SRGAP2C: variants seen among roughly 807,000 people sequenced by gnomAD.
SRGAP2C encodes the protein SLIT-ROBO Rho GTPase-activating protein 2C.
In SRGAP2C, 15 loss-of-function variants were observed where a neutral mutation model predicts 25.1. That is an observed-to-expected ratio of 0.60 (90% CI 0.40 to 0.92). SRGAP2C has a LOEUF of 0.92. Among genes scored for constraint, SRGAP2C ranks in the 40% least tolerant of loss-of-function variants. The probability of loss-of-function intolerance (pLI) is 0.00; values close to 1 mark genes in which losing one functional copy is unlikely to be tolerated. For synonymous variants in SRGAP2C, 44 were observed against 96.6 expected (o/e 0.46, Z 3.19); for missense variants, 144 against 264.4 (o/e 0.54, Z 3.16).
chr1:121,216,117 C>T (rs1481482785), intron 2 of SRGAP2C, among the ~76,000 whole-genome samples: 50 of 152,200 alleles, frequency 3.3e-4, no homozygotes, highest in Admixed American at 2.9e-3. Flanking sequence ...CCTGAATCCC[C>T]ATGTCACAGT....
intron 3 of SRGAP2C, among the ~76,000 whole-genome samples, chr1:121,323,615 CAAAAA>C (rs1163708332): frequency 3.6e-5 from 1 of 28,152 alleles, no homozygotes; most frequent in African/African-American, 1.7e-4. Context: ...GACTTTGTCT[CAAAAA>C]AAAAAAAAAA....
intron 7 of SRGAP2C, among the ~76,000 whole-genome samples, chr1:121,377,072 C>A (rs1659677542): frequency 6.7e-6 from 1 of 149,374 alleles, no homozygotes; most frequent in African/African-American, 2.5e-5. Context: ...TAAAATCAGT[C>A]CAAGAAGCGA....
intron 3 of SRGAP2C, among the ~76,000 whole-genome samples, chr1:121,306,633 T>TTCCC (rs1189739247): frequency 3.6e-4 from 53 of 149,212 alleles, no homozygotes; most frequent in African/African-American, 7.4e-4. Context: ...GTTTCCCCGC[T>TTCCC]TCCCTCCCTC....
At chr1:121,367,959 C>A (rs1244494607) in intron 5 of SRGAP2C, among the ~76,000 whole-genome samples, 2 of 104,962 alleles carry the variant, frequency 1.9e-5, no homozygotes, top group Non-Finnish European at 3.8e-5. Context: ...GCCTGTCGTC[C>A]CAGCTACTGG....
intron 3 of SRGAP2C, among the ~76,000 whole-genome samples, chr1:121,312,577 C>T (rs1218819519): frequency 5.3e-5 from 6 of 113,664 alleles, no homozygotes; most frequent in Non-Finnish European, 1.1e-4. Context: ...TATAAATTTC[C>T]CTCTACACAC....
intron 5 of SRGAP2C, among the ~76,000 whole-genome samples, chr1:121,370,949 C>T (rs1357349901): frequency 1.3e-5 from 2 of 151,358 alleles, no homozygotes; most frequent in Middle Eastern, 3.2e-3. Flanking sequence ...TCAATTTATA[C>T]CTAAATGATA....
At chr1:121,339,364 G>T (rs1271427229) in intron 4 of SRGAP2C, among the ~76,000 whole-genome samples, 1 of 150,838 alleles carries the variant, frequency 6.6e-6, no homozygotes, top group Non-Finnish European at 1.5e-5. Flanking sequence ...TGATTCTCGT[G>T]CCTCAGCCTC....
At position 121,185,046 on chromosome 1, in the gene SRGAP2C, G is replaced by T; in HGVS notation, c.-621G>T. The T allele has an allele frequency of 2.0e-6, 1 of 512,216 alleles. No individual in the cohort carries two copies. Among genetic ancestry groups the T allele is most frequent in the Middle Eastern group, 5.0e-4 (1 of 2,006 alleles). 31.7% of individuals were successfully genotyped at this position (512,216 alleles called of 1,614,324 possible). On this transcript the variant is annotated 5_prime_UTR_variant, in exon 1 of 10. Coordinates refer to ENST00000367123, the MANE Select transcript of SRGAP2C (RefSeq NM_001329984.2). Reference sequence around the variant, plus strand: ...TGGGGCACCGATCTGCGTAGAAACGGGTGGCGGGGAAGAGAGGGGAGGAGA... The same window carrying T: ...TGGGGCACCGATCTGCGTAGAAACGTGTGGCGGGGAAGAGAGGGGAGGAGA...
At chr1:121,287,951 C>T (rs1427957223) in intron 3 of SRGAP2C, among the ~76,000 whole-genome samples, 3 of 151,310 alleles carry the variant, frequency 2.0e-5, no homozygotes, top group South Asian at 2.1e-4. Context: ...AGTGTTACAG[C>T]TCATAAAAGC....
At chr1:121,370,590 C>T (rs1260119234) in intron 5 of SRGAP2C, among the ~76,000 whole-genome samples, 3 of 150,122 alleles carry the variant, frequency 2.0e-5, no homozygotes, top group African/African-American at 7.3e-5. Flanking sequence ...TACAGGCACC[C>T]GCCACCACGC....
intron 2 of SRGAP2C, among the ~76,000 whole-genome samples, chr1:121,217,891 C>CT (rs1416943234): frequency 1.3e-5 from 2 of 151,274 alleles, no homozygotes; most frequent in Non-Finnish European, 2.9e-5. Context: ...TTCTCAACAC[C>CT]TGCGACATTT....
At chr1:121,335,997 A>C (rs1658507320) in intron 4 of SRGAP2C, among the ~76,000 whole-genome samples, 1 of 151,008 alleles carries the variant, frequency 6.6e-6, no homozygotes, top group South Asian at 2.1e-4. Flanking sequence ...TTTATACTTC[A>C]TTACAGTGGG....
chr1:121,383,050 G>C (rs1659864721), intron 8 of SRGAP2C, 125 bp downstream of exon 8: 2 of 576,720 alleles, frequency 3.5e-6, no homozygotes, highest in Admixed American at 6.3e-5. Flanking sequence ...TCAGGTGGGT[G>C]AGGCACATTC....
At chr1:121,303,272 TG>T (rs1296790634) in intron 3 of SRGAP2C, among the ~76,000 whole-genome samples, 12 of 124,446 alleles carry the variant, frequency 9.6e-5, no homozygotes, top group Admixed American at 8.7e-4. Context: ...CCCCACTTTT[TG>T]GTCTGGTTGT....
chr1:121,201,480 T>G, intron 2 of SRGAP2C, among the ~76,000 whole-genome samples: 1 of 151,326 alleles, frequency 6.6e-6, no homozygotes. Context: ...AGCAAAAGAG[T>G]TAATCATTAA....
chr1:121,312,617 A>G (rs1456490553), intron 3 of SRGAP2C, among the ~76,000 whole-genome samples: 3 of 122,474 alleles, frequency 2.4e-5, no homozygotes, highest in African/African-American at 6.1e-5. Flanking sequence ...AGATTCTGGT[A>G]TGTTGTGTGT....
intron 2 of SRGAP2C, among the ~76,000 whole-genome samples, chr1:121,223,351 T>TTGTG (rs56123915): frequency 0.1 from 6,549 of 64,908 alleles, 654 homozygotes; most frequent in Middle Eastern, 0.27. Flanking sequence ...TGGGAGGAGT[T>TTGTG]TGTGTGTGTG....
intron 2 of SRGAP2C, among the ~76,000 whole-genome samples, chr1:121,270,776 T>C: frequency 6.9e-6 from 1 of 145,246 alleles, no homozygotes; most frequent in Non-Finnish European, 1.5e-5. Context: ...AATATTTCAA[T>C]ATTTAAGAGA....
intron 3 of SRGAP2C, among the ~76,000 whole-genome samples, chr1:121,289,457 A>T (rs1422414410): frequency 6.7e-6 from 1 of 150,366 alleles, no homozygotes; most frequent in Non-Finnish European, 1.5e-5. Context: ...CAAGCGCCGC[A>T]CGCAGCCCCG....
Sources: gnomAD v4.1 joint callset for allele counts (sites outside exome capture counted in the v4.1 genomes callset) on GRCh38, gnomAD v4.1.1 for gene constraint, MANE v1.5 for transcripts, NCBI Gene and HGNC (gene_info 2026-07-23, HGNC 2026-07-21) for gene names.